The following GPHN variants were observed in gnomAD, a reference collection of about 807,000 sequenced individuals.
The protein encoded by GPHN is gephyrin.
GPHN carries 17 observed loss-of-function variants against 95.5 expected under a neutral mutation model. That is an observed-to-expected ratio of 0.18 (90% CI 0.12 to 0.27). The LOEUF is 0.27. Ranked by LOEUF, GPHN falls within the 10% of genes least tolerant of loss-of-function variation. The pLI, the probability that GPHN is intolerant of heterozygous loss-of-function variation, is 1.00. For missense variants in GPHN, 660 were observed against 978.1 expected, an observed-to-expected ratio of 0.67 and a Z score of 4.34; for synonymous variants, 320 against 322.5, an observed-to-expected ratio of 0.99 and a Z score of 0.08.
the GPHN span, among the ~76,000 whole-genome samples, chr14:67,218,255 G>A: frequency 2.6e-5 from 4 of 152,222 alleles, no homozygotes; most frequent in Non-Finnish European, 4.4e-5. Context: ...TGTTGTCTAT[G>A]AGTAGCAGCC....
intron 1 of GPHN, among the ~76,000 whole-genome samples, chr14:66,652,773 C>G (rs980787437): frequency 6.6e-6 from 1 of 152,118 alleles, no homozygotes; most frequent in Non-Finnish European, 1.5e-5. Flanking sequence ...GAGAAGCATA[C>G]AGATCAGACA....
At chr14:67,391,271 A>ATGTGTGTGTGTG in the GPHN span, among the ~76,000 whole-genome samples, 864 of 143,888 alleles carry the variant, frequency 6.0e-3, 6 homozygotes, top group African/African-American at 0.016. Context: ...AGCAGCTGAT[A>ATGTGTGTGTGTG]TGTGTGTGTG....
the GPHN span, among the ~76,000 whole-genome samples, chr14:67,567,793 A>G: frequency 6.6e-6 from 1 of 151,728 alleles, no homozygotes; most frequent in African/African-American, 2.4e-5. Flanking sequence ...ACATCTAGCT[A>G]CCTCCCTGAG....
the GPHN span, chr14:67,651,270 A>G: frequency 6.3e-7 from 1 of 1,582,318 alleles, no homozygotes; most frequent in Non-Finnish European, 8.6e-7. Context: ...CTGGCTATAC[A>G]GTGCATCCTT....
At chr14:66,752,737 T>C (rs999318195) in intron 2 of GPHN, among the ~76,000 whole-genome samples, 2 of 151,902 alleles carry the variant, frequency 1.3e-5, no homozygotes, top group African/African-American at 4.8e-5. Context: ...CTTGGAAAAA[T>C]GGCCCCAGCA....
chr14:67,073,463 A>C (rs1427422700), intron 11 of GPHN, among the ~76,000 whole-genome samples: 1 of 152,152 alleles, frequency 6.6e-6, no homozygotes, highest in Admixed American at 6.5e-5. Flanking sequence ...TTTAAAAATT[A>C]TTCTTCCTAA....
At chr14:66,713,599 T>TG (rs1384129618) in intron 2 of GPHN, among the ~76,000 whole-genome samples, 1 of 152,210 alleles carries the variant, frequency 6.6e-6, no homozygotes. Context: ...TGCTTAGTCT[T>TG]GCTTTGGCTA....
At chr14:67,179,703 T>G (rs1219897872) in intron 22 of GPHN, 29 bp downstream of exon 22, 1 of 1,072,874 alleles carries the variant, frequency 9.3e-7, no homozygotes. Context: ...CAGATATTCC[T>G]AGACACCTAT....
At chr14:67,559,417 GACT>G in the GPHN span, among the ~76,000 whole-genome samples, 2 of 152,094 alleles carry the variant, frequency 1.3e-5, no homozygotes, top group African/African-American at 4.8e-5. Flanking sequence ...TGAACACTTA[GACT>G]ATTTCCAGTT....
At chr14:67,405,652 G>A in the GPHN span, among the ~76,000 whole-genome samples, 2 of 152,284 alleles carry the variant, frequency 1.3e-5, no homozygotes, top group East Asian at 3.9e-4. Flanking sequence ...AGGTTATAAA[G>A]GTCTTCTGAG....
chr14:66,806,095 A>G (rs147398200), intron 3 of GPHN, among the ~76,000 whole-genome samples: 2 of 152,266 alleles, frequency 1.3e-5, no homozygotes, highest in African/African-American at 4.8e-5. Flanking sequence ...CCAAACCTCA[A>G]TTCTTGATTT....
At chr14:67,729,596 G>A in the GPHN span, 2 of 637,350 alleles carry the variant, frequency 3.1e-6, no homozygotes, top group South Asian at 1.8e-5. Flanking sequence ...TTTTATACTC[G>A]TGTGCCGCTT....
At chr14:66,677,967 G>T (rs2066706271) in intron 1 of GPHN, among the ~76,000 whole-genome samples, 1 of 152,022 alleles carries the variant, frequency 6.6e-6, no homozygotes, top group African/African-American at 2.4e-5. Flanking sequence ...TTTACTGTTA[G>T]TCTGAAGGGG....
At chr14:67,534,725 C>T in the GPHN span, among the ~76,000 whole-genome samples, 4 of 152,052 alleles carry the variant, frequency 2.6e-5, no homozygotes. Flanking sequence ...AAATGTGGAG[C>T]CTCTTCTGCC....
chr14:66,761,358 A>G (rs2058747617), intron 2 of GPHN, among the ~76,000 whole-genome samples: 1 of 152,230 alleles, frequency 6.6e-6, no homozygotes, highest in South Asian at 2.1e-4. Flanking sequence ...TAGTGATAAA[A>G]TATTATTTAC....
At chr14:66,527,986 T>C (rs2058757603) in intron 1 of GPHN, among the ~76,000 whole-genome samples, 1 of 152,188 alleles carries the variant, frequency 6.6e-6, no homozygotes, top group African/African-American at 2.4e-5. Context: ...TTAGGTCTGC[T>C]TGGTCCAGAG....
rs974908657 is a variant in GPHN, at chr14:66,857,914, A to G, written c.295-22025A>G. The stretch of plus-strand genomic sequence containing the variant: ...ATTGGACACAGTGCTGCCCTGTCAC[A>G]GCAGAAAGCAACACCAGGCTTAACT... On this transcript the variant is annotated intron_variant, in intron 4 of 22. Transcript: ENST00000478722. 3.9e-5 allele frequency among the ~76,000 whole-genome samples: 6 copies of G among 152,192 alleles called. No individual in the cohort carries two copies. In the East Asian group the frequency reaches 9.7e-4, roughly 24 times the overall value.
At chr14:67,201,845 C>T in the GPHN span, 1 of 186,574 alleles carries the variant, frequency 5.4e-6, no homozygotes. Context: ...CAGTGTAGCT[C>T]CTCTCTGCCT....
At chr14:67,258,264 G>T in the GPHN span, among the ~76,000 whole-genome samples, 2 of 152,052 alleles carry the variant, frequency 1.3e-5, no homozygotes, top group Admixed American at 6.5e-5. Flanking sequence ...GCCAGGCACC[G>T]TGGCTCACTC....
Sources: gnomAD v4.1 joint callset for allele counts (sites outside exome capture counted in the v4.1 genomes callset) on GRCh38, gnomAD v4.1.1 for gene constraint, MANE v1.5 for transcripts, NCBI Gene and HGNC (gene_info 2026-07-23, HGNC 2026-07-21) for gene names.